Variants in LY96 observed in about 807,000 individuals in gnomAD.
LY96 encodes the protein lymphocyte antigen 96.
In LY96, 18 loss-of-function variants were observed where a neutral mutation model predicts 18.9. The observed-to-expected ratio is 0.95, with a 90% CI of 0.66 to 1.41. The LOEUF (loss-of-function observed/expected upper bound fraction) is 1.41, where lower values mean the gene tolerates loss of function less well. Ranked by LOEUF, LY96 falls within the 40% of genes most tolerant of loss-of-function variation. The pLI is 0.00. For missense variants in LY96, 175 were observed against 182.4 expected (o/e 0.96, Z 0.23); for synonymous variants, 66 against 62.6 (o/e 1.06, Z -0.26).
chr8:73,992,875 T>TGTGTGTGTGTGTGTGA (rs1554600467), intron 1 of LY96, among the ~76,000 whole-genome samples: 5 of 150,572 alleles, frequency 3.3e-5, no homozygotes, highest in Admixed American at 2.7e-4. Context: ...TGTGTGTGTG[T>TGTGTGTGTGTGTGTGA]GACAGAGTTT....
intron 3 of LY96, among the ~76,000 whole-genome samples, chr8:74,025,654 C>CAAAAAAA (rs574843103): frequency 1.5e-5 from 1 of 68,808 alleles, no homozygotes; most frequent in African/African-American, 4.7e-5. Flanking sequence ...AACTCCGTCT[C>CAAAAAAA]AAAAAAAAAA....
chr8:74,012,648 T>A (rs897338518), intron 3 of LY96, among the ~76,000 whole-genome samples: 10 of 152,150 alleles, frequency 6.6e-5, no homozygotes, highest in Admixed American at 3.3e-4. Flanking sequence ...ATTGCACATG[T>A]ACCTGGTAAA....
At chr8:74,090,625 A>ATT in the LY96 span, among the ~76,000 whole-genome samples, 1 of 152,172 alleles carries the variant, frequency 6.6e-6, no homozygotes, top group Admixed American at 6.5e-5. Context: ...GACAGTCTGT[A>ATT]TTTTTAGTAT....
the LY96 span, chr8:74,048,538 A>G: frequency 3.9e-5 from 6 of 152,350 alleles, no homozygotes; most frequent in Non-Finnish European, 8.8e-5. Flanking sequence ...GCTTTGGGAG[A>G]ATGCTCTGCC....
the LY96 span, chr8:74,079,519 T>C: frequency 6.6e-6 from 1 of 152,188 alleles, no homozygotes; most frequent in Non-Finnish European, 1.5e-5. Flanking sequence ...AAGGGAGCTT[T>C]ATCAATAGAT....
At chr8:74,042,194 A>G in the LY96 span, among the ~76,000 whole-genome samples, 4 of 152,348 alleles carry the variant, frequency 2.6e-5, no homozygotes, top group South Asian at 6.2e-4. Context: ...GCATGCATGC[A>G]TTACTGTGTA....
At chr8:74,037,518 G>T in the LY96 span, among the ~76,000 whole-genome samples, 3 of 152,208 alleles carry the variant, frequency 2.0e-5, no homozygotes, top group African/African-American at 7.2e-5. Flanking sequence ...TGTAGTCCCA[G>T]CTACTCAGGA....
At position 73,995,588 on chromosome 8, in the gene LY96, A is replaced by G. The variant is rs545839773; in HGVS notation, c.112+4034A>G. Among the ~76,000 whole-genome samples, 10 of 152,348 alleles carry G rather than the reference A, an allele frequency of 6.6e-5. No homozygotes were observed. In the East Asian group the frequency reaches 1.9e-3, roughly 29 times the overall value. On this transcript the variant is annotated intron_variant, in intron 1 of 4. Coordinates refer to ENST00000284818, the MANE Select transcript of LY96 (RefSeq NM_015364.5). The stretch of plus-strand genomic sequence containing the variant: ...GGACACATTTCTGTCGGTCCATAAC[A>G]TACAAAAATGGCAAAAATTGACTGA...
At chr8:73,999,721 A>G (rs1816225384) in intron 1 of LY96, among the ~76,000 whole-genome samples, 1 of 151,956 alleles carries the variant, frequency 6.6e-6, no homozygotes, top group Non-Finnish European at 1.5e-5. Context: ...GTCTTGCTAT[A>G]TTGCCCAGGC....
At chr8:74,041,989 C>A in the LY96 span, among the ~76,000 whole-genome samples, 2 of 152,132 alleles carry the variant, frequency 1.3e-5, no homozygotes, top group Non-Finnish European at 2.9e-5. Context: ...AGGTGGGCAT[C>A]ATGGTCCTCC....
At position 74,002,083 on chromosome 8, in the gene LY96, CTTTCTT is replaced by C. The variant is rs1431603927; in HGVS notation, c.113-2711_113-2706del. ...CCTTCCTTCCTTCCTTCCTTTCTTT[CTTTCTT>C]TCTTTCTCTCTCTCTCTCTCTCTCT... is the stretch of plus-strand genomic sequence containing the variant. On this transcript the variant is annotated intron_variant, in intron 1 of 4. Coordinates refer to ENST00000284818, the MANE Select transcript of LY96 (RefSeq NM_015364.5). Among the ~76,000 whole-genome samples, 144 of 31,386 alleles carry C rather than the reference CTTTCTT, an allele frequency of 4.6e-3. 39 individuals are homozygous for C. Among genetic ancestry groups the C allele is most frequent in the African/African-American group, 0.021 (136 of 6,508 alleles). 20.6% of individuals were successfully genotyped at this position (31,386 alleles called of 152,430 possible). A position where few individuals can be genotyped will look rare whatever the true frequency, so the allele number is the denominator to read the frequency against.
the LY96 span, among the ~76,000 whole-genome samples, chr8:74,034,576 T>G: frequency 6.6e-6 from 1 of 152,294 alleles, no homozygotes; most frequent in East Asian, 1.9e-4. Context: ...ATAGGTTCCT[T>G]TTTCTGTTCT....
chr8:74,011,008 G>A (rs777097668), intron 3 of LY96, among the ~76,000 whole-genome samples: 133 of 152,010 alleles, frequency 8.7e-4, no homozygotes, highest in Non-Finnish European at 1.6e-3. Context: ...AGACCTCAGA[G>A]GTGTCAGACT....
the LY96 span, among the ~76,000 whole-genome samples, chr8:74,091,001 G>A: frequency 2.2e-4 from 34 of 152,194 alleles, no homozygotes; most frequent in Admixed American, 1.5e-3. Context: ...TATGTGTATC[G>A]TCAATATATG....
intron 1 of LY96, among the ~76,000 whole-genome samples, chr8:73,995,728 A>C (rs549702624): frequency 6.7e-6 from 1 of 149,974 alleles, no homozygotes; most frequent in South Asian, 2.1e-4. Context: ...TCTAATCTTT[A>C]TTTTTTTTTT....
intron 1 of LY96, among the ~76,000 whole-genome samples, chr8:74,002,699 G>C (rs757141968): frequency 2.2e-4 from 34 of 151,590 alleles, no homozygotes; most frequent in Non-Finnish European, 4.3e-4. Context: ...AGCCTCCCAA[G>C]TAGCTAGGAT....
the LY96 span, among the ~76,000 whole-genome samples, chr8:74,036,469 T>C: frequency 3.0e-3 from 452 of 152,298 alleles, 5 homozygotes; most frequent in African/African-American, 0.01. Context: ...GAAACTAAGA[T>C]GGGTTTTTTG....
chr8:73,995,043 A>G (rs958548224), intron 1 of LY96, among the ~76,000 whole-genome samples: 1 of 152,196 alleles, frequency 6.6e-6, no homozygotes, highest in Non-Finnish European at 1.5e-5. Context: ...TGATTAAGCC[A>G]TGAAGGCTCT....
chr8:74,063,073 T>C, the LY96 span, among the ~76,000 whole-genome samples: 1 of 152,174 alleles, frequency 6.6e-6, no homozygotes, highest in Non-Finnish European at 1.5e-5. Flanking sequence ...GTCAGCTGGG[T>C]CATCTGAAGG....
Sources: allele counts gnomAD v4.1 joint callset (sites outside exome capture counted in the v4.1 genomes callset), GRCh38; gene constraint gnomAD v4.1.1; transcripts MANE v1.5; gene names NCBI Gene and HGNC (gene_info 2026-07-23, HGNC 2026-07-21).